The following CTNNA2 variants were observed in gnomAD, a reference collection of about 807,000 sequenced individuals.
CTNNA2 encodes catenin alpha-2.
Under a neutral mutation model 101.0 loss-of-function variants are expected in CTNNA2, and 42 were observed. The observed-to-expected ratio is 0.42, with a 90% confidence interval of 0.32 to 0.54. The LOEUF (loss-of-function observed/expected upper bound fraction) is 0.54, where lower values mean the gene tolerates loss of function less well. Ranked by LOEUF, CTNNA2 falls within the 20% of genes least tolerant of loss-of-function variation. The probability of loss-of-function intolerance (pLI) is 0.14; values close to 1 mark genes in which losing one functional copy is unlikely to be tolerated. For synonymous variants in CTNNA2, 450 were observed against 456.4 expected (o/e 0.99, Z 0.18); for missense variants, 871 against 1,223.1 (o/e 0.71, Z 4.29).
chr2:79,922,513 T>C (rs539675738), intron 7 of CTNNA2, among the ~76,000 whole-genome samples: 3 of 152,262 alleles, frequency 2.0e-5, no homozygotes, highest in African/African-American at 7.2e-5. Context: ...TCTCTTCTTA[T>C]TACAGACATT....
At chr2:80,348,555 A>C (rs1050987778) in intron 7 of CTNNA2, among the ~76,000 whole-genome samples, 1 of 152,130 alleles carries the variant, frequency 6.6e-6, no homozygotes, top group Non-Finnish European at 1.5e-5. Context: ...TAAAGCCCGT[A>C]CTTTTCTGAT....
At chr2:80,356,796 T>A (rs915404543) in intron 7 of CTNNA2, among the ~76,000 whole-genome samples, 3 of 152,156 alleles carry the variant, frequency 2.0e-5, no homozygotes, top group Non-Finnish European at 2.9e-5. Flanking sequence ...GAAGTCTCTT[T>A]GGGGGCATTT....
At chr2:80,333,411 G>T (rs957676467) in intron 7 of CTNNA2, among the ~76,000 whole-genome samples, 2 of 152,160 alleles carry the variant, frequency 1.3e-5, no homozygotes, top group Admixed American at 1.3e-4. Context: ...CTTATAGTTT[G>T]TTTAGAGAGC....
intron 4 of CTNNA2, among the ~76,000 whole-genome samples, chr2:79,503,238 A>T (rs551627497): frequency 6.6e-6 from 1 of 152,286 alleles, no homozygotes; most frequent in South Asian, 2.1e-4. Flanking sequence ...CACAAGGGAA[A>T]ATGGTTGTTA....
intron 3 of CTNNA2, among the ~76,000 whole-genome samples, chr2:79,327,663 G>A (rs1352869797): frequency 2.0e-5 from 3 of 152,246 alleles, no homozygotes; most frequent in East Asian, 3.9e-4. Context: ...GGGACACTAG[G>A]TGGCATTATA....
chr2:80,364,752 T>C (rs1674759955), intron 7 of CTNNA2, among the ~76,000 whole-genome samples: 3 of 152,248 alleles, frequency 2.0e-5, no homozygotes, highest in South Asian at 2.1e-4. Context: ...CTGCAGAGAA[T>C]CCTTTTGTTA....
chr2:80,173,934 C>T (rs568895326), intron 7 of CTNNA2, among the ~76,000 whole-genome samples: 17 of 152,238 alleles, frequency 1.1e-4, no homozygotes, highest in Admixed American at 5.2e-4. Context: ...TCTTCTCTCC[C>T]GCTCCAACAC....
intron 7 of CTNNA2, among the ~76,000 whole-genome samples, chr2:80,169,415 A>T (rs1704905228): frequency 6.6e-6 from 1 of 152,200 alleles, no homozygotes; most frequent in South Asian, 2.1e-4. Context: ...AGCTTTTACA[A>T]AGGTATACGT....
intron 9 of CTNNA2, among the ~76,000 whole-genome samples, chr2:80,454,674 G>T (rs1683808848): frequency 6.6e-6 from 1 of 152,202 alleles, no homozygotes; most frequent in Non-Finnish European, 1.5e-5. Context: ...CTGGGCACTG[G>T]GTCTTGCTTA....
chr2:80,245,956 G>A lies in CTNNA2; in HGVS notation c.1057-147255G>A, dbSNP rs371723852. 4.4e-4 allele frequency among the ~76,000 whole-genome samples: 67 copies of A among 151,524 alleles called. 2 individuals carry two copies. In the South Asian group the frequency reaches 9.8e-3, roughly 22 times the overall value. On this transcript the variant is annotated intron_variant, in intron 7 of 18. Transcript: ENST00000402739. ...ACTACAGGTGCCCACCACCACACCC[G>A]GCTAATTTTTTGTATTTTTAGTAGA...
intron 4 of CTNNA2, among the ~76,000 whole-genome samples, chr2:79,455,717 G>A (rs1670814258): frequency 6.6e-6 from 1 of 152,122 alleles, no homozygotes; most frequent in Non-Finnish European, 1.5e-5. Context: ...TTGCATACAA[G>A]GAATGTCATT....
chr2:79,705,299 TGAGAAAGAGAGAGC>T (rs1199918764), intron 2 of CTNNA2, among the ~76,000 whole-genome samples: 3 of 152,310 alleles, frequency 2.0e-5, no homozygotes, highest in Non-Finnish European at 4.4e-5. Context: ...TACAGTATTT[TGAGAAAGAGAGAGC>T]GAGAAAGAGA....
chr2:79,859,776 T>C (rs1367734008), intron 4 of CTNNA2, among the ~76,000 whole-genome samples: 1 of 152,144 alleles, frequency 6.6e-6, no homozygotes, highest in Non-Finnish European at 1.5e-5. Flanking sequence ...GTACTATAAT[T>C]AACCATTTAG....
intron 9 of CTNNA2, among the ~76,000 whole-genome samples, chr2:80,422,364 G>C (rs892346069): frequency 6.6e-6 from 1 of 151,734 alleles, no homozygotes; most frequent in Non-Finnish European, 1.5e-5. Context: ...AGATTATTAC[G>C]ACTCAAGGTG....
intron 7 of CTNNA2, among the ~76,000 whole-genome samples, chr2:80,038,082 C>T (rs1455896745): frequency 6.6e-6 from 1 of 151,734 alleles, no homozygotes; most frequent in Non-Finnish European, 1.5e-5. Context: ...AAAAAACTGA[C>T]TCCTGATTCT....
rs181223015 is a variant in CTNNA2 at position 80,236,021 on chromosome 2, C to G, written c.1057-157190C>G. ...GTTTCCTTCTTTGTGTTCATGAGTT[C>G]TTATCATTTAGCTCCCACTTATAAG... On this transcript the variant is annotated intron_variant, in intron 7 of 18. Transcript: ENST00000402739. 8.1e-4 allele frequency among the ~76,000 whole-genome samples: 124 copies of G among 152,228 alleles called. No homozygotes were observed. The East Asian group carries it at 0.016, about 19-fold the overall frequency.
intron 7 of CTNNA2, among the ~76,000 whole-genome samples, chr2:80,061,110 A>G (rs960449436): frequency 7.9e-5 from 12 of 152,266 alleles, no homozygotes; most frequent in African/African-American, 2.4e-4. Flanking sequence ...GTAAACCTCT[A>G]TTTCAGAGTA....
intron 3 of CTNNA2, among the ~76,000 whole-genome samples, chr2:79,784,499 G>T (rs1044220759): frequency 2.0e-5 from 3 of 150,220 alleles, no homozygotes; most frequent in Admixed American, 1.3e-4. Flanking sequence ...GCTCTGTTGG[G>T]ATGTCTAGGA....
At chr2:79,574,019 T>C (rs1415038487) in intron 1 of CTNNA2, 2 of 168,140 alleles carry the variant, frequency 1.2e-5, no homozygotes, top group Non-Finnish European at 2.6e-5. Context: ...TGAAAATTGT[T>C]TTAAAAATGT....
Sources: allele counts gnomAD v4.1 joint callset (sites outside exome capture counted in the v4.1 genomes callset), GRCh38; gene constraint gnomAD v4.1.1; transcripts MANE v1.5; gene names NCBI Gene and HGNC (gene_info 2026-07-23, HGNC 2026-07-21).